The following KTI12 variants were observed in gnomAD, a reference collection of about 807,000 sequenced individuals.
KTI12 encodes KTI12 chromatin associated homolog.
KTI12 carries 8 observed loss-of-function variants against 8.8 expected under a neutral mutation model. The observed-to-expected ratio is 0.91, with a 90% CI of 0.53 to 1.64. The LOEUF (loss-of-function observed/expected upper bound fraction) is 1.64. KTI12 is among the 40% of genes most tolerant of loss of function. KTI12 has a pLI of 0.00. For synonymous variants in KTI12, 216 were observed against 220.1 expected (o/e 0.98, Z 0.17); for missense variants, 490 against 492.1 (o/e 1.00, Z 0.04).
In KTI12 at chr1:52,032,615, TG is replaced by T; in HGVS notation, c.*81del. The T allele has an allele frequency of 6.6e-7, 1 of 1,519,252 alleles. No individual in the cohort carries two copies. The highest frequency in any genetic ancestry group is 8.8e-7 in the Non-Finnish European group (1 of 1,137,862). The allele number at this position is 1,519,252 out of a possible 1,614,324, so 94.1% of individuals were successfully genotyped here. A position where few individuals can be genotyped will look rare whatever the true frequency, so the allele number is the denominator to read the frequency against. On this transcript the variant is annotated 3_prime_UTR_variant, in exon 1 of 1. Coordinates refer to ENST00000371614, the MANE Select transcript of KTI12 (RefSeq NM_138417.3). ...AGTACAGTACTGCATCGATATGCTC[TG>T]GAGACCTGCAGCCTATTTTTCCCAG...
Position 52,033,007 on chromosome 1 carries a change from C to T in KTI12, c.755G>A (p.Arg252Gln), listed in dbSNP as rs749487996. 3 of 1,560,442 alleles carry T rather than the reference C, an allele frequency of 1.9e-6. No homozygotes were observed. The highest frequency in any genetic ancestry group is 1.4e-5 in the African/African-American group (1 of 73,122). Residue 252 changes from arginine to glutamine, a missense_variant, in exon 1 of 1, where the codon CGG becomes CAG. Arg to Gln is a conservative substitution (Grantham distance 43). Coordinates refer to ENST00000371614, the MANE Select transcript of KTI12 (RefSeq NM_138417.3). Reference protein sequence around the residue: ...AGIRSALFENRAPPPHQSTQS... With the variant: ...AGIRSALFENQAPPPHQSTQS... ...CGTAGACTGATGGGGTGGTGGGGCC[C>T]GGTTCTCAAACAGGGCAGAGCGGAT...
rs760202220 is a variant in KTI12, at chr1:52,033,809, T to C, written c.-48A>G. 53 of 1,507,068 alleles carry C rather than the reference T, an allele frequency of 3.5e-5. No individual in the cohort carries two copies. In the Admixed American group the frequency reaches 8.4e-4, roughly 24 times the overall value. 93.4% of individuals were successfully genotyped at this position (1,507,068 alleles called of 1,614,324 possible). A position where few individuals can be genotyped will look rare whatever the true frequency, so the allele number is the denominator to read the frequency against. ...CAACCGCGCTGCGCCAACTTCCGGG[T>C]TGTACGCGTCTCCGACGTAAGCCGG... On this transcript the variant is annotated 5_prime_UTR_variant, in exon 1 of 1. Coordinates refer to ENST00000371614, the MANE Select transcript of KTI12 (RefSeq NM_138417.3).
At position 52,032,474 on chromosome 1, in the gene KTI12, T is replaced by G. The variant is rs559150767; in HGVS notation, c.*223A>C. On this transcript the variant is annotated 3_prime_UTR_variant, in exon 1 of 1. Transcript: ENST00000371614. ...CCTTAGCTCTGTCCTCTGAGGGATT[T>G]GCCAGGTTGCACCACAATAGTTCTC... The G allele has an allele frequency of 4.0e-5, 52 of 1,316,036 alleles. No individual in the cohort carries two copies. The African/African-American group carries it at 6.8e-4, about 17-fold the overall frequency. 81.5% of individuals were successfully genotyped at this position (1,316,036 alleles called of 1,614,324 possible).
chr1:52,032,640 A>G lies in KTI12; in HGVS notation c.*57T>C. The G allele has an allele frequency of 1.3e-6, 2 of 1,532,146 alleles. No homozygotes were observed. Among genetic ancestry groups the G allele is most frequent in the South Asian group, 1.3e-5 (1 of 76,516 alleles). The allele number at this position is 1,532,146 out of a possible 1,614,324, so 94.9% of individuals were successfully genotyped here. A position where few individuals can be genotyped will look rare whatever the true frequency, so the allele number is the denominator to read the frequency against. On this transcript the variant is annotated 3_prime_UTR_variant, in exon 1 of 1. Transcript: ENST00000371614. ...TGGAGACCTGCAGCCTATTTTTCCC[A>G]GAGAAATAAAGTGGAGTGGAGATCA...
rs1296663253 is a variant in KTI12 at position 52,033,459 on chromosome 1, C to T, written c.303G>A (p.Pro101=). The T allele has an allele frequency of 2.5e-6, 4 of 1,612,958 alleles. No homozygotes were observed. Among genetic ancestry groups the T allele is most frequent in the Non-Finnish European group, 3.4e-6 (4 of 1,179,494 alleles). The change falls in exon 1 of 1, where the codon CCG becomes CCA. Residue 101 remains proline, a synonymous_variant. Transcript: ENST00000371614. The part of the protein sequence containing the change: ...LYCLARAART[P]LCLVYCVRPG... ...GCCGTACGCAGTAGACCAGGCAGAG[C>T]GGGGTGCGCGCCGCCCGTGCCAGGC...
Position 52,033,371 on chromosome 1 carries a change from TGAC to T in KTI12, c.388_390del (p.Val130del). 6.2e-7 allele frequency: 1 copy of T among 1,613,634 alleles called. No homozygotes were observed. The highest frequency in any genetic ancestry group is 1.3e-5 in the African/African-American group (1 of 75,028). On this transcript the variant is annotated inframe_deletion, in exon 1 of 1. Transcript: ENST00000371614. ...TCAGCGCGTGGCCGCCAACTCACAC[TGAC>T]GTTCCGGCCAGGGTTCTCGTTCGCG...
rs1236165203 is a variant in KTI12, at chr1:52,033,627, G to A, written c.135C>T (p.Asp45=). Residue 45 remains aspartate (D), a synonymous_variant, in exon 1 of 1, where the codon GAC becomes GAT. Coordinates refer to ENST00000371614, the MANE Select transcript of KTI12 (RefSeq NM_138417.3). The part of the protein sequence containing the change: ...VDDAAVLGAE[D]PAVYGDSARE... ...GGGCAGAATCGCCGTACACCGCTGGGTCCTCTGCGCCCAGGACAGCTGCGT... is the reference window on the plus strand; with the variant it reads ...GGGCAGAATCGCCGTACACCGCTGGATCCTCTGCGCCCAGGACAGCTGCGT... 6.2e-7 allele frequency: 1 copy of A among 1,612,186 alleles called. No homozygotes were observed.
Position 52,033,724 on chromosome 1 carries a change from C to G in KTI12, c.38G>C (p.Gly13Ala). The G allele has an allele frequency of 6.2e-7, 1 of 1,609,146 alleles. No homozygotes were observed. The highest frequency in any genetic ancestry group is 1.7e-4 in the Middle Eastern group (1 of 6,038). Reference protein sequence around the residue: ...LVVFCGLPYSGKSRRAEELRV... With the variant: ...LVVFCGLPYSAKSRRAEELRV... ...CAACTCTTCAGCACGCCGGCTCTTGCCGCTGTACGGCAGCCCGCAAAACAC... is the reference window on the plus strand; with the variant it reads ...CAACTCTTCAGCACGCCGGCTCTTGGCGCTGTACGGCAGCCCGCAAAACAC... The change falls in exon 1 of 1, where the codon GGC becomes GCC. Residue 13 changes from glycine to alanine, a missense_variant. Physicochemically the swap from Gly to Ala is moderately conservative, Grantham distance 60. Coordinates refer to ENST00000371614, the MANE Select transcript of KTI12 (RefSeq NM_138417.3).
At position 52,033,226 on chromosome 1, in the gene KTI12, G is replaced by C; in HGVS notation, c.536C>G (p.Ser179Cys). Residue 179 changes from serine (S) to cysteine (C), a missense_variant, in exon 1 of 1, where the codon TCC (serine) becomes TGC (cysteine). Ser to Cys is a moderately radical substitution (Grantham distance 112). Transcript: ENST00000371614. Reference sequence around the variant, plus strand: ...AAGAGCTGGAGACTCCGCAGCCCCGGATTCTTCTCGCTCCAGTTCCTTGGG... The same window carrying C: ...AAGAGCTGGAGACTCCGCAGCCCCGCATTCTTCTCGCTCCAGTTCCTTGGG... ...DVPKELEREE[S>C]GAAESPALVT... is the part of the protein sequence containing the mutation. 1 of 1,614,174 alleles carries C rather than the reference G, an allele frequency of 6.2e-7. No individual in the cohort carries two copies. The highest frequency in any genetic ancestry group is 1.1e-5 in the South Asian group (1 of 91,086).
At position 52,032,721 on chromosome 1, in the gene KTI12, C is replaced by T; in HGVS notation, c.1041G>A (p.Gln347=). 6.2e-7 allele frequency: 1 copy of T among 1,611,278 alleles called. No individual in the cohort carries two copies. Among genetic ancestry groups the T allele is most frequent in the Non-Finnish European group, 8.5e-7 (1 of 1,178,394 alleles). The part of the protein sequence containing the change: ...NLPQLANMFL[Q]YLSQSLH ...GTCAGTGCAGGCTCTGGCTCAAATACTGAAGAAACATGTTGGCCAGTTGCG... is the reference window on the plus strand; with the variant it reads ...GTCAGTGCAGGCTCTGGCTCAAATATTGAAGAAACATGTTGGCCAGTTGCG... Residue 347 remains glutamine (Q), a synonymous_variant, in exon 1 of 1, where the codon CAG becomes CAA. Transcript: ENST00000371614.
At position 52,032,933 on chromosome 1, in the gene KTI12, C is replaced by A; in HGVS notation, c.829G>T (p.Val277Phe). The stretch of plus-strand genomic sequence containing the variant: ...AATCCGGCCAGTACTTGACTCGTGA[C>A]CTGGTCCAACTGGTGCAGAAAGCTG... ...SGSFLHQLDQ[V>F]TSQVLAGLME... The change falls in exon 1 of 1, where the codon GTC becomes TTC. Residue 277 changes from valine to phenylalanine, a missense_variant. Coordinates refer to ENST00000371614, the MANE Select transcript of KTI12 (RefSeq NM_138417.3). 1 of 1,605,456 alleles carries A rather than the reference C, an allele frequency of 6.2e-7. No homozygotes were observed. The highest frequency in any genetic ancestry group is 8.5e-7 in the Non-Finnish European group (1 of 1,175,852).
In KTI12 at chr1:52,033,336, C is replaced by T. The variant is rs1013157231; in HGVS notation, c.426G>A (p.Gly142=). 1.2e-6 allele frequency: 2 copies of T among 1,613,764 alleles called. No homozygotes were observed. The highest frequency in any genetic ancestry group is 1.7e-6 in the Non-Finnish European group (2 of 1,180,010). ...VSWRPRAEED[G]RAQAAGSSVL... The stretch of plus-strand genomic sequence containing the variant: ...CGCTGCTGCCCGCCGCCTGGGCTCT[C>T]CCGTCCTCCTCAGCGCGTGGCCGCC... Residue 142 remains glycine (G), a synonymous_variant, in exon 1 of 1, where the codon GGG becomes GGA. Coordinates refer to ENST00000371614, the MANE Select transcript of KTI12 (RefSeq NM_138417.3).
Position 52,032,886 on chromosome 1 carries a change from A to G in KTI12, c.876T>C (p.Ala292=), listed in dbSNP as rs1224532001. ...GAAGCGTGAGCAAGTCCCCGGGGACAGCGCTCTTCTGCGCTTCCATCAATC... is the reference window on the plus strand; with the variant it reads ...GAAGCGTGAGCAAGTCCCCGGGGACGGCGCTCTTCTGCGCTTCCATCAATC... ...LAGLMEAQKS[A]VPGDLLTLPG... is the part of the protein sequence containing the mutation. Residue 292 remains alanine (A), a synonymous_variant, in exon 1 of 1, where the codon GCT becomes GCC. Transcript: ENST00000371614. 6.2e-7 allele frequency: 1 copy of G among 1,613,796 alleles called. No homozygotes were observed. Among genetic ancestry groups the G allele is most frequent in the East Asian group, 2.2e-5 (1 of 44,884 alleles).
chr1:52,033,489 G>A lies in KTI12; in HGVS notation c.273C>T (p.Leu91=), dbSNP rs1685819163. The change falls in exon 1 of 1, where the codon CTC becomes CTT. Residue 91 remains leucine (L), a synonymous_variant. Transcript: ENST00000371614. Reference sequence around the variant, plus strand: ...TGCGCGCCGCCCGTGCCAGGCAGTAGAGCTCGTAACGGAAACCTTTGATGT... The same window carrying A: ...TGCGCGCCGCCCGTGCCAGGCAGTAAAGCTCGTAACGGAAACCTTTGATGT... ...LNYIKGFRYE[L]YCLARAARTP... The A allele has an allele frequency of 6.2e-7, 1 of 1,613,774 alleles. No homozygotes were observed. The highest frequency in any genetic ancestry group is 1.3e-5 in the African/African-American group (1 of 74,944).
rs773641016 is a variant in KTI12 at position 52,033,025 on chromosome 1, G to A, written c.737C>T (p.Ser246Phe). 1.3e-6 allele frequency: 2 copies of A among 1,573,408 alleles called. No individual in the cohort carries two copies. Among genetic ancestry groups the A allele is most frequent in the Non-Finnish European group, 1.7e-6 (2 of 1,162,890 alleles). ...TGGGGCCCGGTTCTCAAACAGGGCA[G>A]AGCGGATCCCCGCCAGGGGCAACGG... Reference protein sequence around the residue: ...EEPLPLAGIRSALFENRAPPP... With the variant: ...EEPLPLAGIRFALFENRAPPP... The change falls in exon 1 of 1, where the codon TCT becomes TTT. Residue 246 changes from serine (S) to phenylalanine (F), a missense_variant. Ser to Phe is a radical substitution (Grantham distance 155, BLOSUM62 -2). Transcript: ENST00000371614.
chr1:52,033,351 G>A lies in KTI12; in HGVS notation c.411C>T (p.Arg137=). The change falls in exon 1 of 1, where the codon CGC becomes CGT. Residue 137 remains arginine (R), a synonymous_variant. Transcript: ENST00000371614. ...CCTGGGCTCTCCCGTCCTCCTCAGC[G>A]CGTGGCCGCCAACTCACACTGACGT... ...GRNVSVSWRP[R]AEEDGRAQAA... 6.2e-7 allele frequency: 1 copy of A among 1,613,724 alleles called. No homozygotes were observed.
chr1:52,033,780 T>C lies in KTI12; in HGVS notation c.-19A>G, dbSNP rs1685829588. On this transcript the variant is annotated 5_prime_UTR_variant, in exon 1 of 1. It removes an upstream start codon present in the reference 5' UTR. Coordinates refer to ENST00000371614, the MANE Select transcript of KTI12 (RefSeq NM_138417.3). ...GCGGCATCCTCTCAGGGAGCGACCA[T>C]TGGCAACCGCGCTGCGCCAACTTCC... 6.4e-7 allele frequency: 1 copy of C among 1,553,852 alleles called. No homozygotes were observed. The highest frequency in any genetic ancestry group is 1.9e-5 in the Admixed American group (1 of 52,640).
At position 52,032,798 on chromosome 1, in the gene KTI12, G is replaced by A. The variant is rs1685790923; in HGVS notation, c.964C>T (p.Arg322Cys). 4 of 1,614,112 alleles carry A rather than the reference G, an allele frequency of 2.5e-6. No homozygotes were observed. The Admixed American group carries it at 5.0e-5, about 20-fold the overall frequency. Residue 322 changes from arginine (R) to cysteine (C), a missense_variant, in exon 1 of 1, where the codon CGT becomes TGT. Coordinates refer to ENST00000371614, the MANE Select transcript of KTI12 (RefSeq NM_138417.3). ...TTAGTGTACGAAATAAACTGGCGAC[G>A]AAGGCGACTCAGTTCTGCCATGGTC... ...PLTMAELSRL[R>C]RQFISYTKMH...
Position 52,033,677 on chromosome 1 carries a change from C to G in KTI12, c.85G>C (p.Gly29Arg). The G allele has an allele frequency of 6.2e-7, 1 of 1,611,042 alleles. No homozygotes were observed. The highest frequency in any genetic ancestry group is 1.1e-5 in the South Asian group (1 of 91,026). Reference protein sequence around the residue: ...EELRVALAAEGRAVYVVDDAA... With the variant: ...EELRVALAAERRAVYVVDDAA... The stretch of plus-strand genomic sequence containing the variant: ...TCGTCCACCACGTACACCGCGCGGC[C>G]CTCGGCAGCCAGCGCCACGCGCAAC... The change falls in exon 1 of 1, where the codon GGC (glycine) becomes CGC (arginine). Residue 29 changes from glycine (G) to arginine (R), a missense_variant. Physicochemically the swap from Gly to Arg is moderately radical, Grantham distance 125 (BLOSUM62 -2). Coordinates refer to ENST00000371614, the MANE Select transcript of KTI12 (RefSeq NM_138417.3).
Sources: gnomAD v4.1 joint callset for allele counts on GRCh38, gnomAD v4.1.1 for gene constraint, MANE v1.5 for transcripts, NCBI Gene and HGNC (gene_info 2026-07-23, HGNC 2026-07-21) for gene names.